The following PIF1 variants were observed in gnomAD, a reference collection of about 807,000 sequenced individuals.
PIF1 encodes ATP-dependent DNA helicase PIF1.
Under a neutral mutation model 62.3 loss-of-function variants are expected in PIF1, and 67 were observed. That is an observed-to-expected ratio of 1.08 (90% confidence interval 0.88 to 1.32). The LOEUF is 1.32. PIF1 is among the 40% of genes most tolerant of loss of function. The pLI, the probability that PIF1 is intolerant of heterozygous loss-of-function variation, is 0.00. For missense variants in PIF1, 886 were observed against 866.1 expected (o/e 1.02, Z -0.29); for synonymous variants, 364 against 379.5 (o/e 0.96, Z 0.47).
At position 64,818,030 on chromosome 15, in the gene PIF1, C is replaced by G. The variant is rs757677640; in HGVS notation, c.1590G>C (p.Thr530=). ...VTEVIHADRW[T]VQATGGQLLS... Reference sequence around the variant, plus strand: ...GGAGCTGGCCCCCGGTGGCCTGCACCGTCCAGCGGTCAGCGTGGATGACCT... The same window carrying G: ...GGAGCTGGCCCCCGGTGGCCTGCACGGTCCAGCGGTCAGCGTGGATGACCT... The change falls in exon 11 of 13, where the codon ACG becomes ACC. Residue 530 remains threonine, a synonymous_variant. Coordinates refer to ENST00000559239, the MANE Select transcript of PIF1 (RefSeq NM_001286496.2). 1.2e-6 allele frequency: 2 copies of G among 1,613,774 alleles called. No homozygotes were observed. Among genetic ancestry groups the G allele is most frequent in the Non-Finnish European group, 1.7e-6 (2 of 1,179,872 alleles).
chr15:64,816,938 C>G (rs542549213), intron 11 of PIF1, among the ~76,000 whole-genome samples, 173 bp from the exon 12 acceptor site: 1 of 152,074 alleles, frequency 6.6e-6, no homozygotes, highest in African/African-American at 2.4e-5. Context: ...GGAGGGGGAC[C>G]GGGAGACAGA....
upstream of PIF1, among the ~76,000 whole-genome samples, chr15:64,826,824 C>A (rs984454336): frequency 6.6e-6 from 1 of 150,532 alleles, no homozygotes; most frequent in Non-Finnish European, 1.5e-5. Flanking sequence ...CTCCGGAGGT[C>A]AAACGATCCA....
chr15:64,820,916 GTGTTCCAC>G, intron 7 of PIF1, 58 bp downstream of exon 7: 2 of 1,382,958 alleles, frequency 1.4e-6, no homozygotes, highest in Non-Finnish European at 2.0e-6. Context: ...GTCCCTCTCT[GTGTTCCAC>G]TGTGGCCCAT....
At chr15:64,820,583 G>T (rs897559287) in intron 7 of PIF1, among the ~76,000 whole-genome samples, 26 of 152,200 alleles carry the variant, frequency 1.7e-4, no homozygotes, top group African/African-American at 6.0e-4. Flanking sequence ...TTTTAGTAGA[G>T]ACTGGGTTTC....
chr15:64,823,650 A>G, intron 2 of PIF1, 128 bp downstream of exon 2: 1 of 585,388 alleles, frequency 1.7e-6, no homozygotes. Flanking sequence ...CACCCCTGTC[A>G]TACTGAGATG....
Position 64,824,121 on chromosome 15 carries a change from C to T in PIF1, c.215G>A (p.Arg72His). Residue 72 changes from arginine (R) to histidine (H), a missense_variant, in exon 2 of 13, where the codon CGC becomes CAC. By Grantham distance (29) the Arg-to-His change is conservative. Coordinates refer to ENST00000559239, the MANE Select transcript of PIF1 (RefSeq NM_001286496.2). ...PAGRPRCFPL[R>H]AARLFTRFAE... ...GAAACGCGTGAAGAGGCGCGCGGCG[C>T]GCAGAGGAAAGCAGCGCGGCCGCCC... is the stretch of plus-strand genomic sequence containing the variant. 7.8e-7 allele frequency: 1 copy of T among 1,277,474 alleles called. No homozygotes were observed. The highest frequency in any genetic ancestry group is 1.6e-5 in the African/African-American group (1 of 64,410). The allele number at this position is 1,277,474 out of a possible 1,614,324, so 79.1% of individuals were successfully genotyped here. A position where few individuals can be genotyped will look rare whatever the true frequency, so the allele number is the denominator to read the frequency against.
Position 64,824,432 on chromosome 15 carries a change from A to G in PIF1, c.-19-78T>C, listed in dbSNP as rs2084339338. ...TGCTATAGGGGACGTAATGGGTGCT[A>G]TAAAGGACGTGACAGGGAGCAGGGT... On this transcript the variant is annotated intron_variant, in intron 1 of 12. Coordinates refer to ENST00000559239, the MANE Select transcript of PIF1 (RefSeq NM_001286496.2). The G allele has an allele frequency of 2.0e-5, 20 of 1,022,602 alleles. 1 individual carries two copies. Among genetic ancestry groups the G allele is most frequent in the Non-Finnish European group, 2.5e-5 (20 of 797,530 alleles). The allele number at this position is 1,022,602 out of a possible 1,614,324, so 63.3% of individuals were successfully genotyped here.
chr15:64,819,094 G>A (rs758167723), intron 9 of PIF1, 23 bp downstream of exon 9: 17 of 1,551,018 alleles, frequency 1.1e-5, no homozygotes, highest in Non-Finnish European at 1.4e-5. Context: ...GCTCCCAGGG[G>A]CTAGGCCCTG....
Position 64,819,956 on chromosome 15 carries a change from C to G in PIF1, c.1224G>C (p.Gln408His). 1 of 1,614,160 alleles carries G rather than the reference C, an allele frequency of 6.2e-7. No homozygotes were observed. The highest frequency in any genetic ancestry group is 8.5e-7 in the Non-Finnish European group (1 of 1,180,024). Residue 408 changes from glutamine to histidine, a missense_variant, in exon 8 of 13, where the codon CAG (glutamine) becomes CAC (histidine). Transcript: ENST00000559239. ...RCSDEVTRQL[Q>H]ATASHKVGRD... Reference sequence around the variant, plus strand: ...GCCCCACCTTGTGGGAAGCTGTGGCCTGGAGCTGGCGGGTCACCTCATCTG... The same window carrying G: ...GCCCCACCTTGTGGGAAGCTGTGGCGTGGAGCTGGCGGGTCACCTCATCTG...
At position 64,818,030 on chromosome 15, in the gene PIF1, C is replaced by T. The variant is rs757677640; in HGVS notation, c.1590G>A (p.Thr530=). The change falls in exon 11 of 13, where the codon ACG becomes ACA. Residue 530 remains threonine (T), a synonymous_variant. Coordinates refer to ENST00000559239, the MANE Select transcript of PIF1 (RefSeq NM_001286496.2). ...VTEVIHADRW[T]VQATGGQLLS... The stretch of plus-strand genomic sequence containing the variant: ...GGAGCTGGCCCCCGGTGGCCTGCAC[C>T]GTCCAGCGGTCAGCGTGGATGACCT... The T allele has an allele frequency of 6.2e-6, 10 of 1,613,774 alleles. No individual in the cohort carries two copies. The highest frequency in any genetic ancestry group is 6.8e-6 in the Non-Finnish European group (8 of 1,179,872).
chr15:64,819,067 C>T (rs1310976397), intron 9 of PIF1, 50 bp downstream of exon 9: 7 of 1,403,872 alleles, frequency 5.0e-6, no homozygotes, highest in Non-Finnish European at 6.7e-6. Flanking sequence ...CAGCAAGGCC[C>T]ATGCGGGACA....
At chr15:64,816,417 T>C in intron 12 of PIF1, 60 bp from the exon 13 acceptor site, 1 of 1,609,826 alleles carries the variant, frequency 6.2e-7, no homozygotes, top group Non-Finnish European at 8.5e-7. Flanking sequence ...GACCATAACC[T>C]GGGGGCCAGC....
intron 1 of PIF1, among the ~76,000 whole-genome samples, chr15:64,824,877 G>GTA (rs1239276678): frequency 1.4e-5 from 2 of 144,352 alleles, no homozygotes; most frequent in African/African-American, 5.4e-5. Context: ...ATGTGTGTGT[G>GTA]TGTGTGTATA....
At chr15:64,819,414 A>G (rs2013913) in intron 8 of PIF1, among the ~76,000 whole-genome samples, 191 bp from the exon 9 acceptor site, 150,779 of 152,312 alleles carry the variant, frequency 0.99, 74,644 homozygotes, top group Middle Eastern at 1. Context: ...GGGTTCAAGC[A>G]ATTCTCCTCA....
At chr15:64,825,071 C>T (rs2084350757) in intron 1 of PIF1, among the ~76,000 whole-genome samples, 2 of 151,448 alleles carry the variant, frequency 1.3e-5, no homozygotes, top group Admixed American at 1.3e-4. Flanking sequence ...GGATGGGCAC[C>T]GAGGATTAGG....
In PIF1 at chr15:64,821,097, G is replaced by C; in HGVS notation, c.1087-9C>G. 1 of 1,613,394 alleles carries C rather than the reference G, an allele frequency of 6.2e-7. No individual in the cohort carries two copies. Among genetic ancestry groups the C allele is most frequent in the Non-Finnish European group, 8.5e-7 (1 of 1,179,398 alleles). On this transcript the variant is annotated splice_polypyrimidine_tract_variant and intron_variant, in intron 6 of 12. Transcript: ENST00000559239. ...CTCTTCCAGCTCTTGGACTGGTGGG[G>C]GCAGGGTGGGGGTGGGTCAAGGAGC... is the stretch of plus-strand genomic sequence containing the variant.
At position 64,824,182 on chromosome 15, in the gene PIF1, C is replaced by A; in HGVS notation, c.154G>T (p.Glu52Ter). ...GGCGCTTGCAGCCGCAGCATCAACTCGCGGCGCTCGTTGCGACCCAGGCTC... is the reference window on the plus strand; with the variant it reads ...GGCGCTTGCAGCCGCAGCATCAACTAGCGGCGCTCGTTGCGACCCAGGCTC... ...ELSLGRNERR[E>*]LMLRLQAPGP... Residue 52 changes from glutamate to a stop codon, truncating the protein, a stop_gained, in exon 2 of 13, where the codon GAG (glutamate) becomes TAG (stop). Transcript: ENST00000559239. LOFTEE classifies it high-confidence loss of function. 7.5e-7 allele frequency: 1 copy of A among 1,340,142 alleles called. No individual in the cohort carries two copies. The highest frequency in any genetic ancestry group is 9.6e-7 in the Non-Finnish European group (1 of 1,041,868). 83.0% of individuals were successfully genotyped at this position (1,340,142 alleles called of 1,614,324 possible). A position where few individuals can be genotyped will look rare whatever the true frequency, so the allele number is the denominator to read the frequency against.
At chr15:64,819,808 T>C (rs1765820711) in intron 8 of PIF1, 39 bp downstream of exon 8, 2 of 1,607,700 alleles carry the variant, frequency 1.2e-6, no homozygotes, top group Admixed American at 3.3e-5. Context: ...CTTATAACTC[T>C]TCCCAGCTGG....
In PIF1 at chr15:64,825,616, A is replaced by G. The variant is rs753536268; in HGVS notation, c.-67T>C. On this transcript the variant is annotated 5_prime_UTR_variant, in exon 1 of 13. Coordinates refer to ENST00000559239, the MANE Select transcript of PIF1 (RefSeq NM_001286496.2). ...ACTTGTGCCGACACTCAGATGAACA[A>G]GCAGATCGTAGCCGGCCTGTGGCTA... 9.9e-5 allele frequency: 15 copies of G among 152,180 alleles called. No homozygotes were observed. Among genetic ancestry groups the G allele is most frequent in the South Asian group, 2.1e-4 (1 of 4,828 alleles). 9.4% of individuals were successfully genotyped at this position (152,180 alleles called of 1,614,324 possible). A position where few individuals can be genotyped will look rare whatever the true frequency, so the allele number is the denominator to read the frequency against.
Sources: gnomAD v4.1 joint callset for allele counts (sites outside exome capture counted in the v4.1 genomes callset) on GRCh38, gnomAD v4.1.1 for gene constraint, MANE v1.5 for transcripts, NCBI Gene and HGNC (gene_info 2026-07-23, HGNC 2026-07-21) for gene names.